SV2C: variants seen among roughly 807,000 people sequenced by gnomAD.
SV2C encodes synaptic vesicle glycoprotein 2C, also known as solute carrier family 22 member B3.
In SV2C, 49 loss-of-function variants were observed where a neutral mutation model predicts 79.7. That is an observed-to-expected ratio of 0.61 (90% CI 0.49 to 0.78). The LOEUF (loss-of-function observed/expected upper bound fraction) is 0.78, where lower values mean the gene tolerates loss of function less well. Ranked by LOEUF, SV2C falls within the 30% of genes least tolerant of loss-of-function variation. The pLI is 0.00. For synonymous variants in SV2C, 334 were observed against 333.2 expected (o/e 1.00, Z -0.03); for missense variants, 833 against 912.9 (o/e 0.91, Z 1.13).
intron 5 of SV2C, 63 bp from the exon 6 acceptor site, chr5:76,285,718 T>C: frequency 7.1e-7 from 1 of 1,406,234 alleles, no homozygotes; most frequent in Non-Finnish European, 1.0e-6. Context: ...AGACGGCTAT[T>C]GGAAAATCAG....
Position 76,285,202 on chromosome 5 carries a change from T to A in SV2C, c.954T>A (p.Ser318Arg), listed in dbSNP as rs777718396. The change falls in exon 5 of 13, where the codon AGT becomes AGA. Residue 318 changes from serine to arginine, a missense_variant. Coordinates refer to ENST00000502798, the MANE Select transcript of SV2C (RefSeq NM_014979.4). Reference sequence around the variant, plus strand: ...TGGGATCGGCCTACCAGTTTCACAGTTGGCGTGTGTTTGTCATCGTCTGTG... The same window carrying A: ...TGGGATCGGCCTACCAGTTTCACAGATGGCGTGTGTTTGTCATCGTCTGTG... ...FSMGSAYQFH[S>R]WRVFVIVCAL... 6.2e-7 allele frequency: 1 copy of A among 1,614,208 alleles called. No homozygotes were observed. The highest frequency in any genetic ancestry group is 2.2e-5 in the East Asian group (1 of 44,892).
chr5:75,852,833 A>C, the SV2C span, among the ~76,000 whole-genome samples: 14 of 147,144 alleles, frequency 9.5e-5, 1 homozygote, highest in African/African-American at 3.7e-4. Context: ...CTCAAAAAAA[A>C]AAAAAAAAAA....
At chr5:75,926,517 A>G in the SV2C span, among the ~76,000 whole-genome samples, 8 of 152,096 alleles carry the variant, frequency 5.3e-5, no homozygotes, top group Non-Finnish European at 1.0e-4. Flanking sequence ...TCGGTGCCTG[A>G]ATTTTCTTGG....
the SV2C span, among the ~76,000 whole-genome samples, chr5:75,856,402 A>G: frequency 0.026 from 4,016 of 152,296 alleles, 173 homozygotes; most frequent in African/African-American, 0.092. Flanking sequence ...TTACATTGCC[A>G]CCAACAGTGT....
chr5:76,141,089 A>G (rs1371653352), intron 2 of SV2C, among the ~76,000 whole-genome samples: 1 of 152,104 alleles, frequency 6.6e-6, no homozygotes, highest in African/African-American at 2.4e-5. Context: ...TCCTGGGAGG[A>G]GAGAGGCTTC....
the SV2C span, among the ~76,000 whole-genome samples, chr5:76,041,218 C>T: frequency 6.6e-6 from 1 of 152,110 alleles, no homozygotes; most frequent in African/African-American, 2.4e-5. Context: ...AAAATACCTC[C>T]TATCCTTCTA....
intron 1 of SV2C, among the ~76,000 whole-genome samples, chr5:76,130,704 G>T (rs1450200752): frequency 6.6e-6 from 1 of 152,014 alleles, no homozygotes; most frequent in Non-Finnish European, 1.5e-5. Flanking sequence ...AAGGCATGAG[G>T]GGACTATCAG....
the SV2C span, among the ~76,000 whole-genome samples, chr5:75,879,003 G>A: frequency 0.12 from 18,950 of 152,148 alleles, 1,397 homozygotes; most frequent in African/African-American, 0.22. Flanking sequence ...ATGGGAGCAA[G>A]AAAGAGTGAT....
chr5:76,209,007 C>T (rs1271519493), intron 3 of SV2C, among the ~76,000 whole-genome samples: 1 of 152,172 alleles, frequency 6.6e-6, no homozygotes, highest in African/African-American at 2.4e-5. Context: ...CTGTTTCTGT[C>T]ATCTCCCCAG....
At chr5:75,947,516 T>C in the SV2C span, among the ~76,000 whole-genome samples, 17 of 152,122 alleles carry the variant, frequency 1.1e-4, no homozygotes, top group Non-Finnish European at 2.4e-4. Flanking sequence ...CTCTGGATGC[T>C]GAGAGATTTC....
intron 1 of SV2C, among the ~76,000 whole-genome samples, chr5:76,096,727 GCAATTA>G (rs1747576289): frequency 1.3e-5 from 2 of 152,116 alleles, no homozygotes; most frequent in African/African-American, 4.8e-5. Flanking sequence ...ATTTCTAGAG[GCAATTA>G]CCTTTTGAAT....
intron 4 of SV2C, among the ~76,000 whole-genome samples, chr5:76,236,928 C>CAGTGAGTGAGTTCTCATGAG (rs1745634002): frequency 1.3e-5 from 2 of 152,178 alleles, no homozygotes; most frequent in African/African-American, 4.8e-5. Flanking sequence ...GTTCTCATGA[C>CAGTGAGTGAGTTCTCATGAG]AGTGAGTGAG....
chr5:76,270,631 T>A (rs1746816970), intron 4 of SV2C, among the ~76,000 whole-genome samples: 1 of 152,214 alleles, frequency 6.6e-6, no homozygotes, highest in Admixed American at 6.5e-5. Flanking sequence ...CATATCTAGC[T>A]GGGATGTGTA....
chr5:76,229,381 A>G (rs900394584), intron 4 of SV2C, among the ~76,000 whole-genome samples: 1 of 152,182 alleles, frequency 6.6e-6, no homozygotes, highest in Non-Finnish European at 1.5e-5. Flanking sequence ...AATGGGTAGG[A>G]GGGTAGTAAA....
At chr5:76,178,010 C>G (rs141329860) in intron 2 of SV2C, among the ~76,000 whole-genome samples, 1 of 152,272 alleles carries the variant, frequency 6.6e-6, no homozygotes, top group East Asian at 1.9e-4. Context: ...AAGATAAATA[C>G]ATTTTTCATA....
intron 2 of SV2C, among the ~76,000 whole-genome samples, chr5:76,138,961 C>A (rs71629002): frequency 0.12 from 17,809 of 151,910 alleles, 1,136 homozygotes; most frequent in Non-Finnish European, 0.14. Flanking sequence ...TACTAAAAAT[C>A]CAAAAAAATT....
At chr5:76,160,741 C>T (rs1163606216) in intron 2 of SV2C, among the ~76,000 whole-genome samples, 1 of 152,094 alleles carries the variant, frequency 6.6e-6, no homozygotes, top group Non-Finnish European at 1.5e-5. Flanking sequence ...GACATTTCTC[C>T]AAGAAATATT....
chr5:76,176,878 G>T (rs560490085), intron 2 of SV2C, among the ~76,000 whole-genome samples: 1 of 152,306 alleles, frequency 6.6e-6, no homozygotes, highest in African/African-American at 2.4e-5. Flanking sequence ...CACTTTGGGA[G>T]AACGAGGTGG....
chr5:76,342,631 A>G (rs1430035323), intron 12 of SV2C, among the ~76,000 whole-genome samples: 1 of 152,218 alleles, frequency 6.6e-6, no homozygotes, highest in African/African-American at 2.4e-5. Flanking sequence ...CTCAGTCTCT[A>G]GACTCACACA....
Sources: allele counts gnomAD v4.1 joint callset (sites outside exome capture counted in the v4.1 genomes callset), GRCh38; gene constraint gnomAD v4.1.1; transcripts MANE v1.5; gene names NCBI Gene and HGNC (gene_info 2026-07-23, HGNC 2026-07-21).